The following RAP1A variants were observed in gnomAD, a reference collection of about 807,000 sequenced individuals.
RAP1A encodes the protein RAP1A, member of RAS oncogene family, also known as ras-related protein Rap-1A.
In RAP1A, 6 loss-of-function variants were observed where a neutral mutation model predicts 26.4. The ratio of observed to expected loss-of-function variants is 0.23; its 90% CI spans 0.12 to 0.45. The LOEUF is 0.45. Among genes scored for constraint, RAP1A ranks in the 20% least tolerant of loss-of-function variants. The probability of loss-of-function intolerance (pLI) is 0.99; values close to 1 mark genes in which losing one functional copy is unlikely to be tolerated. For synonymous variants in RAP1A, 73 were observed against 79.4 expected, an observed-to-expected ratio of 0.92 and a Z score of 0.43; for missense variants, 121 against 217.2, an observed-to-expected ratio of 0.56 and a Z score of 2.78.
At chr1:111,542,212 A>G (rs1036281804), upstream of RAP1A, 11 of 572,010 alleles carry the variant, frequency 1.9e-5, no homozygotes, top group Non-Finnish European at 3.4e-5. Flanking sequence ...GCTTAATGAA[A>G]CAGACATCCT....
At chr1:111,687,296 C>G (rs1208492664) in intron 1 of RAP1A, among the ~76,000 whole-genome samples, 1 of 150,610 alleles carries the variant, frequency 6.6e-6, no homozygotes, top group Non-Finnish European at 1.5e-5. Context: ...CAACCTCTGT[C>G]TCCTGGGTTT....
At chr1:111,633,278 A>G (rs12126428) in intron 1 of RAP1A, among the ~76,000 whole-genome samples, 22,929 of 152,128 alleles carry the variant, frequency 0.15, 1,843 homozygotes, top group African/African-American at 0.2. Flanking sequence ...GCTGTTCTCC[A>G]TTCTAATCAT....
chr1:111,667,560 T>C (rs906244834), intron 1 of RAP1A, among the ~76,000 whole-genome samples: 2 of 151,748 alleles, frequency 1.3e-5, no homozygotes, highest in African/African-American at 4.8e-5. Flanking sequence ...CCCGCACCTG[T>C]AATCACAGCT....
chr1:111,660,905 C>G lies in RAP1A; in HGVS notation c.-27-30429C>G, dbSNP rs143135793. ...GCTTCCCTCAGATGTCTGCCCAACT[C>G]TGTCCTCTAACTGCCCATCATCTTT... On this transcript the variant is annotated intron_variant, in intron 1 of 7. Transcript: ENST00000369709. Among the ~76,000 whole-genome samples the G allele has an allele frequency of 2.2e-4, 34 of 152,352 alleles. No individual in the cohort carries two copies. The East Asian group carries it at 6.6e-3, about 29-fold the overall frequency.
At chr1:111,660,361 C>T (rs936818914) in intron 1 of RAP1A, among the ~76,000 whole-genome samples, 2 of 152,146 alleles carry the variant, frequency 1.3e-5, no homozygotes, top group African/African-American at 4.8e-5. Flanking sequence ...TTTATGCAGT[C>T]TGAAATATAC....
chr1:111,563,026 A>G (rs1051984181), intron 1 of RAP1A, among the ~76,000 whole-genome samples: 3 of 152,314 alleles, frequency 2.0e-5, no homozygotes, highest in African/African-American at 4.8e-5. Context: ...TATAATGTCA[A>G]TATTGTGGAT....
chr1:111,663,191 C>T (rs1208295684), intron 1 of RAP1A, among the ~76,000 whole-genome samples: 8 of 151,772 alleles, frequency 5.3e-5, no homozygotes, highest in African/African-American at 1.4e-4. Context: ...GGATTACAGG[C>T]GTGAGCCACC....
intron 1 of RAP1A, among the ~76,000 whole-genome samples, chr1:111,605,885 C>T (rs1220606528): frequency 1.3e-5 from 2 of 152,180 alleles, no homozygotes; most frequent in African/African-American, 4.8e-5. Context: ...CCATTAAGTT[C>T]CCATTATCTT....
chr1:111,653,875 A>C (rs1192039988), intron 1 of RAP1A, among the ~76,000 whole-genome samples: 1 of 152,144 alleles, frequency 6.6e-6, no homozygotes, highest in Non-Finnish European at 1.5e-5. Context: ...CTCAAAAGGC[A>C]CAGAGGATTT....
At chr1:111,550,704 C>CCCAT (rs1222962833) in intron 1 of RAP1A, among the ~76,000 whole-genome samples, 2 of 152,164 alleles carry the variant, frequency 1.3e-5, no homozygotes, top group African/African-American at 2.4e-5. Flanking sequence ...CTATGTTGCC[C>CCCAT]AGCAGGCCTT....
At chr1:111,662,420 T>C (rs1307893287) in intron 1 of RAP1A, among the ~76,000 whole-genome samples, 3 of 142,432 alleles carry the variant, frequency 2.1e-5, no homozygotes, top group Non-Finnish European at 1.5e-5. Context: ...AAAAAAAAAT[T>C]AACTTGATCA....
chr1:111,681,935 C>G (rs1025081963), intron 1 of RAP1A, among the ~76,000 whole-genome samples: 1 of 152,118 alleles, frequency 6.6e-6, no homozygotes, highest in South Asian at 2.1e-4. Context: ...AACGTTAAGG[C>G]CAGCCATAGA....
intron 1 of RAP1A, among the ~76,000 whole-genome samples, chr1:111,587,077 C>T (rs1241740300): frequency 6.6e-6 from 1 of 152,030 alleles, no homozygotes; most frequent in African/African-American, 2.4e-5. Context: ...GCAGCTGCTC[C>T]CAGCCCTACT....
At chr1:111,686,348 C>G (rs1661476950) in intron 1 of RAP1A, among the ~76,000 whole-genome samples, 1 of 151,860 alleles carries the variant, frequency 6.6e-6, no homozygotes, top group Non-Finnish European at 1.5e-5. Flanking sequence ...CCTATAATTC[C>G]AACACTTTGG....
In RAP1A at chr1:111,715,828, C is replaced by G. The variant is rs1662525868; in HGVS notation, c.*3427C>G. On this transcript the variant is annotated 3_prime_UTR_variant, in exon 8 of 8. Coordinates refer to ENST00000369709, the MANE Select transcript of RAP1A (RefSeq NM_002884.4). ...AGAAGAATAGTAATAAGACATTCTA[C>G]ATTTCCTGGACATGGCCAGTTTAAA... The G allele has an allele frequency of 2.6e-5, 4 of 152,244 alleles. No homozygotes were observed. The South Asian group carries it at 8.3e-4, about 31-fold the overall frequency. The allele number at this position is 152,244 out of a possible 1,614,324, so 9.4% of individuals were successfully genotyped here. A position where few individuals can be genotyped will look rare whatever the true frequency, so the allele number is the denominator to read the frequency against.
chr1:111,683,773 A>G (rs760363489), intron 1 of RAP1A, among the ~76,000 whole-genome samples: 10 of 152,186 alleles, frequency 6.6e-5, no homozygotes, highest in Non-Finnish European at 1.2e-4. Context: ...ACTATTCCAA[A>G]CAACAGAAGA....
At chr1:111,543,216 C>G (rs1483765500) in intron 1 of RAP1A, among the ~76,000 whole-genome samples, 4 of 152,092 alleles carry the variant, frequency 2.6e-5, no homozygotes, top group East Asian at 1.9e-4. Flanking sequence ...GATGAAAGAT[C>G]AAACTACAGT....
chr1:111,639,736 G>A (rs140574992), intron 1 of RAP1A, among the ~76,000 whole-genome samples: 130 of 152,222 alleles, frequency 8.5e-4, no homozygotes, highest in African/African-American at 2.9e-3. Context: ...CAGTACCCAG[G>A]CATTTCAGAC....
chr1:111,669,049 GAAAGA>G (rs1258405990), intron 1 of RAP1A, among the ~76,000 whole-genome samples: 3 of 139,904 alleles, frequency 2.1e-5, no homozygotes, highest in Admixed American at 7.0e-5. Flanking sequence ...AAAAAAAAAA[GAAAGA>G]AAAGAAATGT....
Sources: allele counts gnomAD v4.1 joint callset (sites outside exome capture counted in the v4.1 genomes callset), GRCh38; gene constraint gnomAD v4.1.1; transcripts MANE v1.5; gene names NCBI Gene and HGNC (gene_info 2026-07-23, HGNC 2026-07-21).